TRAK1: variants seen among roughly 807,000 people sequenced by gnomAD.
TRAK1 encodes trafficking kinesin protein 1.
In TRAK1, 33 loss-of-function variants were observed where a neutral mutation model predicts 92.1. The observed-to-expected ratio is 0.36, with a 90% CI of 0.27 to 0.48. The LOEUF is 0.48. TRAK1 is among the 20% of genes least tolerant of loss of function. TRAK1 has a pLI of 0.99. For missense variants in TRAK1, 1,123 were observed against 1,257.9 expected (o/e 0.89, Z 1.62); for synonymous variants, 521 against 517.3 (o/e 1.01, Z -0.10).
intron 3 of TRAK1, 88 bp from the exon 4 acceptor site, chr3:42,184,597 T>A: frequency 8.1e-7 from 1 of 1,242,150 alleles, no homozygotes; most frequent in Non-Finnish European, 1.1e-6. Context: ...TAGATGCTTA[T>A]GTTTTCCTCA....
intron 14 of TRAK1, chr3:42,219,217 A>T (rs2149540969): frequency 1.0e-6 from 1 of 978,982 alleles, no homozygotes; most frequent in South Asian, 4.8e-5. Flanking sequence ...CCACCCCCAG[A>T]CTGGATCCAC....
In TRAK1 at chr3:42,219,484, C is replaced by A; in HGVS notation, c.1964-10C>A. 1 of 1,614,048 alleles carries A rather than the reference C, an allele frequency of 6.2e-7. No homozygotes were observed. Among genetic ancestry groups the A allele is most frequent in the Non-Finnish European group, 8.5e-7 (1 of 1,179,984 alleles). Reference sequence around the variant, plus strand: ...GATGCAAGGAATATGTTTTGTTCCTCCCAATTTAGCGCACCATCCTGGGAA... The same window carrying A: ...GATGCAAGGAATATGTTTTGTTCCTACCAATTTAGCGCACCATCCTGGGAA... On this transcript the variant is annotated splice_polypyrimidine_tract_variant and intron_variant, in intron 14 of 15. Transcript: ENST00000327628.
chr3:42,094,229 G>A (rs1405592085), intron 1 of TRAK1, among the ~76,000 whole-genome samples: 1 of 152,170 alleles, frequency 6.6e-6, no homozygotes, highest in Non-Finnish European at 1.5e-5. Flanking sequence ...CTCAGGCTGA[G>A]CAGCTGGGTT....
At position 42,035,871 on chromosome 3, in the gene TRAK1, T is replaced by C. The variant is rs540480370; in HGVS notation, c.-519+21754T>C. Among the ~76,000 whole-genome samples, 6 of 152,332 alleles carry C rather than the reference T, an allele frequency of 3.9e-5. No homozygotes were observed. The South Asian group carries it at 1.0e-3, about 26-fold the overall frequency. On this transcript the variant is annotated intron_variant, in intron 1 of 16. Coordinates refer to the TRAK1 transcript ENST00000487159. ...TTTTGCTTCTGCAGTTACCTCTGCCTATATAGAGAACTCTGCCCACCCCCA... is the reference window on the plus strand; with the variant it reads ...TTTTGCTTCTGCAGTTACCTCTGCCCATATAGAGAACTCTGCCCACCCCCA...
At chr3:42,056,526 G>T (rs1303484793) in intron 1 of TRAK1, among the ~76,000 whole-genome samples, 2 of 152,256 alleles carry the variant, frequency 1.3e-5, no homozygotes, top group East Asian at 3.9e-4. Context: ...CATTTCAACA[G>T]AAGCAGAAAT....
chr3:42,193,250 T>C, intron 8 of TRAK1, 45 bp downstream of exon 8: 1 of 1,605,314 alleles, frequency 6.2e-7, no homozygotes, highest in Non-Finnish European at 8.5e-7. Flanking sequence ...ATGGCCATGC[T>C]GAGACGGGGA....
upstream of TRAK1, among the ~76,000 whole-genome samples, chr3:42,085,384 G>A (rs1477431882): frequency 1.3e-5 from 2 of 152,108 alleles, no homozygotes; most frequent in African/African-American, 4.8e-5. Flanking sequence ...GTCCAGGCTG[G>A]CCTCAAACTC....
At chr3:42,120,010 G>A (rs1709643080) in intron 1 of TRAK1, among the ~76,000 whole-genome samples, 1 of 152,000 alleles carries the variant, frequency 6.6e-6, no homozygotes, top group Non-Finnish European at 1.5e-5. Flanking sequence ...AGACTAGCCT[G>A]GTCACCACAG....
chr3:42,210,407 A>C, intron 14 of TRAK1: 1 of 718,098 alleles, frequency 1.4e-6, no homozygotes, highest in Non-Finnish European at 1.9e-6. Flanking sequence ...GGCTGCTAAA[A>C]AAAAAAAAAA....
chr3:42,144,205 C>T (rs780377944), intron 2 of TRAK1, among the ~76,000 whole-genome samples: 10 of 152,006 alleles, frequency 6.6e-5, no homozygotes, highest in Non-Finnish European at 1.3e-4. Flanking sequence ...CCTCATTTCC[C>T]TAATTGTAGC....
At chr3:42,160,589 A>G (rs538755047) in intron 2 of TRAK1, 3 of 1,161,996 alleles carry the variant, frequency 2.6e-6, no homozygotes, top group East Asian at 2.6e-5. Flanking sequence ...AAGTTGAGGT[A>G]TAAGTTAGAG....
At chr3:42,217,543 T>C in intron 14 of TRAK1, 1 of 985,418 alleles carries the variant, frequency 1.0e-6, no homozygotes, top group Non-Finnish European at 1.2e-6. Flanking sequence ...AGATCCAATA[T>C]GTAAGAGGGT....
intron 1 of TRAK1, among the ~76,000 whole-genome samples, chr3:42,050,982 A>C (rs954330926): frequency 3.3e-5 from 5 of 152,288 alleles, no homozygotes; most frequent in African/African-American, 1.2e-4. Context: ...GAGAATTTTT[A>C]TTTTTATGTG....
chr3:42,069,626 A>G (rs1218696784), intron 1 of TRAK1, among the ~76,000 whole-genome samples: 2 of 152,160 alleles, frequency 1.3e-5, no homozygotes, highest in African/African-American at 4.8e-5. Context: ...ATCTATCTCT[A>G]GAGCGTCTTT....
At chr3:42,075,488 C>T (rs993108319) in intron 1 of TRAK1, among the ~76,000 whole-genome samples, 2 of 152,030 alleles carry the variant, frequency 1.3e-5, no homozygotes, top group South Asian at 4.2e-4. Flanking sequence ...ATTTCTATTC[C>T]TTTGGGTATA....
intron 2 of TRAK1, chr3:42,149,710 G>C: frequency 1.5e-6 from 2 of 1,373,362 alleles, no homozygotes; most frequent in Non-Finnish European, 2.0e-6. Flanking sequence ...CGGGTGGGAG[G>C]TACCAGAACT....
chr3:42,046,412 C>A (rs892737224), intron 1 of TRAK1, among the ~76,000 whole-genome samples: 3 of 151,366 alleles, frequency 2.0e-5, no homozygotes, highest in African/African-American at 7.3e-5. Context: ...GAGGCCATAA[C>A]CTGGGAAGGT....
chr3:42,088,515 T>A (rs1704807412), upstream of TRAK1, among the ~76,000 whole-genome samples: 1 of 152,216 alleles, frequency 6.6e-6, no homozygotes, highest in Non-Finnish European at 1.5e-5. Flanking sequence ...TGCAGAAACA[T>A]GCTATGATCT....
At chr3:42,032,967 G>A (rs762510497) in intron 1 of TRAK1, among the ~76,000 whole-genome samples, 3 of 152,148 alleles carry the variant, frequency 2.0e-5, no homozygotes, top group Non-Finnish European at 4.4e-5. Context: ...AATGTGGGAA[G>A]GAATTTTTCC....
Sources: allele counts gnomAD v4.1 joint callset (sites outside exome capture counted in the v4.1 genomes callset), GRCh38; gene constraint gnomAD v4.1.1; transcripts MANE v1.5; gene names NCBI Gene and HGNC (gene_info 2026-07-23, HGNC 2026-07-21).